Variants in EHMT1 observed in about 807,000 individuals in gnomAD.
EHMT1 encodes the protein euchromatic histone lysine methyltransferase 1.
Under a neutral mutation model 147.2 loss-of-function variants are expected in EHMT1, and 15 were observed. The observed-to-expected ratio is 0.10, with a 90% CI of 0.07 to 0.16. EHMT1 has a LOEUF of 0.16. Ranked by LOEUF, EHMT1 falls within the 10% of genes least tolerant of loss-of-function variation. The probability of loss-of-function intolerance (pLI) is 1.00; values close to 1 mark genes in which losing one functional copy is unlikely to be tolerated. For synonymous variants in EHMT1, 795 were observed against 709.6 expected, an observed-to-expected ratio of 1.12 and a Z score of -1.91; for missense variants, 1,587 against 1,772.4, an observed-to-expected ratio of 0.90 and a Z score of 1.88.
At chr9:137,724,638 C>A (rs1055446277) in intron 3 of EHMT1, among the ~76,000 whole-genome samples, 4 of 152,168 alleles carry the variant, frequency 2.6e-5, no homozygotes, top group Non-Finnish European at 4.4e-5. Context: ...ACTTTGAAAG[C>A]GCATTTTGTG....
At chr9:137,685,959 T>C (rs2134687193) in intron 1 of EHMT1, among the ~76,000 whole-genome samples, 1 of 152,272 alleles carries the variant, frequency 6.6e-6, no homozygotes, top group Non-Finnish European at 1.5e-5. Flanking sequence ...AGTCAGTCAG[T>C]CAGTCACGGG....
intron 1 of EHMT1, among the ~76,000 whole-genome samples, chr9:137,634,742 G>A (rs372807836): frequency 8.6e-5 from 11 of 127,290 alleles, no homozygotes; most frequent in African/African-American, 1.8e-4. Flanking sequence ...TCTCTCTATC[G>A]CCCAGGCTGG....
At chr9:137,774,141 G>A (rs1160038428) in intron 10 of EHMT1, among the ~76,000 whole-genome samples, 2 of 152,216 alleles carry the variant, frequency 1.3e-5, no homozygotes, top group Admixed American at 6.5e-5. Flanking sequence ...TCATTGTACC[G>A]CTGCCCACTG....
chr9:137,690,658 C>T (rs1159972973), intron 1 of EHMT1, among the ~76,000 whole-genome samples: 1 of 152,166 alleles, frequency 6.6e-6, no homozygotes, highest in Non-Finnish European at 1.5e-5. Context: ...CAACCTCTGC[C>T]TCCCGGGTTC....
chr9:137,784,294 G>C lies in EHMT1; in HGVS notation c.2382+1897G>C, dbSNP rs1951791518. The C allele has an allele frequency of 2.1e-6, 3 of 1,441,420 alleles. No homozygotes were observed. The South Asian group carries it at 4.4e-5, about 21-fold the overall frequency. The allele number at this position is 1,441,420 out of a possible 1,614,324, so 89.3% of individuals were successfully genotyped here. On this transcript the variant is annotated intron_variant, in intron 15 of 26. Transcript: ENST00000460843. ...GGGGCTGACTCCGCCTTTCAGAGAG[G>C]CGTGGCTCCATCTTCACAGCCTCGT...
chr9:137,811,080 C>T (rs543914837), intron 18 of EHMT1, among the ~76,000 whole-genome samples: 168 of 152,204 alleles, frequency 1.1e-3, no homozygotes, highest in Middle Eastern at 0.01. Flanking sequence ...GACTATACCC[C>T]TGCTTGGAAA....
At chr9:137,831,583 G>C (rs184618764) in intron 25 of EHMT1, among the ~76,000 whole-genome samples, 13 of 152,330 alleles carry the variant, frequency 8.5e-5, no homozygotes, top group African/African-American at 3.1e-4. Context: ...TTTCTCCGCT[G>C]AGACTTCTCA....
At chr9:137,712,790 C>G (rs1004545540) in intron 2 of EHMT1, among the ~76,000 whole-genome samples, 8 of 152,100 alleles carry the variant, frequency 5.3e-5, no homozygotes, top group Non-Finnish European at 1.0e-4. Flanking sequence ...TCCGACTTAC[C>G]TGTTTTTTTC....
intron 18 of EHMT1, chr9:137,803,152 C>A (rs958025099): frequency 1.6e-6 from 2 of 1,226,602 alleles, no homozygotes; most frequent in Non-Finnish European, 2.0e-6. Context: ...GGTGGCTGTT[C>A]CCCCAGAATG....
chr9:137,692,437 G>T (rs1343469933), intron 1 of EHMT1, among the ~76,000 whole-genome samples: 2 of 151,670 alleles, frequency 1.3e-5, no homozygotes, highest in Non-Finnish European at 2.9e-5. Context: ...GCTAGTGTTT[G>T]TATTTTTAGT....
intron 1 of EHMT1, among the ~76,000 whole-genome samples, chr9:137,632,201 C>G (rs528502494): frequency 6.6e-6 from 1 of 152,304 alleles, no homozygotes; most frequent in Non-Finnish European, 1.5e-5. Flanking sequence ...ATGTTACTGT[C>G]CTGTCGAGGG....
chr9:137,811,720 C>T (rs1954500833), intron 19 of EHMT1, 105 bp downstream of exon 19: 6 of 1,464,474 alleles, frequency 4.1e-6, no homozygotes, highest in Non-Finnish European at 5.6e-6. Context: ...TGAGTGGACA[C>T]AGGCCCTCTG....
intron 16 of EHMT1, among the ~76,000 whole-genome samples, chr9:137,793,939 T>G (rs2137175124): frequency 6.6e-6 from 1 of 152,344 alleles, no homozygotes; most frequent in Non-Finnish European, 1.5e-5. Flanking sequence ...GAAAAAGTTT[T>G]GGAAATAGTG....
At chr9:137,642,988 T>C (rs1034988025) in intron 1 of EHMT1, among the ~76,000 whole-genome samples, 2 of 152,136 alleles carry the variant, frequency 1.3e-5, no homozygotes, top group African/African-American at 4.8e-5. Flanking sequence ...AAAGAGATCC[T>C]CCTGCCTCAG....
At chr9:137,711,893 A>G (rs1588295958) in intron 2 of EHMT1, among the ~76,000 whole-genome samples, 1 of 152,306 alleles carries the variant, frequency 6.6e-6, no homozygotes, top group Non-Finnish European at 1.5e-5. Flanking sequence ...GCTCCTCTCC[A>G]GACAGCGCGC....
chr9:137,697,433 G>C (rs148336518), intron 1 of EHMT1, among the ~76,000 whole-genome samples: 8 of 152,282 alleles, frequency 5.3e-5, no homozygotes, highest in East Asian at 3.9e-4. Flanking sequence ...CACTGGGATC[G>C]GCCGGCCTGG....
Position 137,834,537 on chromosome 9 carries a change from C to T in EHMT1, c.3716+13C>T, listed in dbSNP as rs2133155301. 6.2e-7 allele frequency: 1 copy of T among 1,609,070 alleles called. No homozygotes were observed. Among genetic ancestry groups the T allele is most frequent in the Non-Finnish European group, 8.5e-7 (1 of 1,179,426 alleles). ...GCGAGCAGCTCGGGTACGCACCGCC[C>T]CGGCCCCTGGCCATCTCCGCTGCCG... On this transcript the variant is annotated intron_variant, in intron 26 of 26. Coordinates refer to ENST00000460843, the MANE Select transcript of EHMT1 (RefSeq NM_024757.5).
intron 1 of EHMT1, among the ~76,000 whole-genome samples, chr9:137,624,124 T>C (rs7043932): frequency 0.26 from 39,601 of 150,924 alleles, 6,968 homozygotes; most frequent in African/African-American, 0.49. Flanking sequence ...CTCAGCCTCC[T>C]GAGTAGGTGG....
chr9:137,716,723 C>T lies in EHMT1; in HGVS notation c.183C>T (p.Ser61=), dbSNP rs774448433. 2.0e-5 allele frequency: 32 copies of T among 1,611,826 alleles called. No individual in the cohort carries two copies. The highest frequency in any genetic ancestry group is 4.5e-5 in the East Asian group (2 of 44,886). Residue 61 remains serine (S), a synonymous_variant, in exon 3 of 27, where the codon AGC becomes AGT. Coordinates refer to ENST00000460843, the MANE Select transcript of EHMT1 (RefSeq NM_024757.5). ...AGACCAATGGGTCTTGTGAAAACAG[C>T]GATGCCAGCAGTCATGCAAATGCTG... ...DGETNGSCEN[S]DASSHANAAK...
Sources: allele counts gnomAD v4.1 joint callset (sites outside exome capture counted in the v4.1 genomes callset), GRCh38; gene constraint gnomAD v4.1.1; transcripts MANE v1.5; gene names NCBI Gene and HGNC (gene_info 2026-07-23, HGNC 2026-07-21).